Variants in FARP2 observed in about 807,000 individuals in gnomAD.
The protein encoded by FARP2 is FERM, ARHGEF and pleckstrin domain-containing protein 2.
Under a neutral mutation model 130.5 loss-of-function variants are expected in FARP2, and 111 were observed. The observed-to-expected ratio is 0.85, with a 90% CI of 0.73 to 1.00. The LOEUF is 1.00. FARP2 is among the 50% of genes least tolerant of loss of function. The pLI, the probability that FARP2 is intolerant of heterozygous loss-of-function variation, is 0.00. For synonymous variants in FARP2, 504 were observed against 516.9 expected (o/e 0.98, Z 0.34); for missense variants, 1,385 against 1,346.3 (o/e 1.03, Z -0.45).
intron 14 of FARP2, among the ~76,000 whole-genome samples, chr2:241,461,775 C>T (rs1033635453): frequency 1.3e-5 from 2 of 152,222 alleles, no homozygotes; most frequent in African/African-American, 4.8e-5. Flanking sequence ...AGAGCAGGAT[C>T]ATGGTTTCTG....
At chr2:241,468,437 C>T (rs965321450) in intron 18 of FARP2, 60 bp downstream of exon 18, 55 of 1,350,810 alleles carry the variant, frequency 4.1e-5, no homozygotes, top group Middle Eastern at 2.2e-4. Context: ...GAGGCAGGGG[C>T]GGCTTTGCCA....
At chr2:241,474,791 CTAA>C (rs932531097) in intron 18 of FARP2, among the ~76,000 whole-genome samples, 37 of 137,554 alleles carry the variant, frequency 2.7e-4, no homozygotes, top group East Asian at 2.3e-3. Flanking sequence ...GACCCTGTCT[CTAA>C]TAATAATAAT....
chr2:241,423,589 A>C (rs1452049939), intron 8 of FARP2, among the ~76,000 whole-genome samples: 1 of 152,248 alleles, frequency 6.6e-6, no homozygotes, highest in African/African-American at 2.4e-5. Context: ...CCATGATGAC[A>C]GGATGAAATT....
chr2:241,356,677 G>A (rs1206768549), intron 1 of FARP2, among the ~76,000 whole-genome samples: 3 of 152,176 alleles, frequency 2.0e-5, no homozygotes, highest in African/African-American at 7.2e-5. Context: ...GGTGCCGCGT[G>A]GAGGAGGCCG....
At chr2:241,449,113 A>G (rs1225457507) in intron 13 of FARP2, among the ~76,000 whole-genome samples, 1 of 152,204 alleles carries the variant, frequency 6.6e-6, no homozygotes, top group Admixed American at 6.5e-5. Context: ...CATCAGGTTC[A>G]CATTTACTTG....
chr2:241,442,843 A>G (rs1035030976), intron 13 of FARP2: 2 of 263,140 alleles, frequency 7.6e-6, no homozygotes, highest in East Asian at 1.0e-4. Context: ...AACTGGTGCT[A>G]TACATTCTGA....
chr2:241,474,317 C>CAAA lies in FARP2; in HGVS notation c.2132-1509_2132-1507dup, dbSNP rs56128645. 1.1e-3 allele frequency among the ~76,000 whole-genome samples: 51 copies of CAAA among 46,678 alleles called. 2 individuals are homozygous for CAAA. Among genetic ancestry groups the CAAA allele is most frequent in the African/African-American group, 1.4e-3 (16 of 11,350 alleles). 30.6% of individuals were successfully genotyped at this position (46,678 alleles called of 152,430 possible). A position where few individuals can be genotyped will look rare whatever the true frequency, so the allele number is the denominator to read the frequency against. On this transcript the variant is annotated intron_variant, in intron 18 of 26. Transcript: ENST00000264042. Reference sequence around the variant, plus strand: ...CAGAGCGCAGAGCGAGATTCCGTCTCAAAAAAAAAAAAAAAAAAAAAAAAA... The same window carrying CAAA: ...CAGAGCGCAGAGCGAGATTCCGTCTCAAAAAAAAAAAAAAAAAAAAAAAAAAAA...
intron 13 of FARP2, among the ~76,000 whole-genome samples, chr2:241,454,290 T>G (rs1048106515): frequency 6.6e-6 from 1 of 152,070 alleles, no homozygotes; most frequent in Non-Finnish European, 1.5e-5. Flanking sequence ...GGACTGTACT[T>G]CTCTGAGTGA....
intron 19 of FARP2, chr2:241,478,241 A>G (rs1300310288): frequency 1.3e-5 from 2 of 159,000 alleles, no homozygotes; most frequent in East Asian, 1.9e-4. Context: ...TCAACGTTGC[A>G]GTGAGCTATG....
At chr2:241,416,232 C>T (rs1283760425) in intron 7 of FARP2, among the ~76,000 whole-genome samples, 1 of 151,930 alleles carries the variant, frequency 6.6e-6, no homozygotes, top group Non-Finnish European at 1.5e-5. Context: ...ATGTGTGTGT[C>T]CTTACATGTG....
intron 7 of FARP2, among the ~76,000 whole-genome samples, chr2:241,415,223 C>G (rs551770988): frequency 2.0e-5 from 3 of 152,198 alleles, no homozygotes; most frequent in Non-Finnish European, 4.4e-5. Flanking sequence ...CTGCTCTATT[C>G]TCCCAGGTAC....
chr2:241,414,497 A>G (rs939361935), intron 7 of FARP2, among the ~76,000 whole-genome samples: 1 of 152,152 alleles, frequency 6.6e-6, no homozygotes, highest in Non-Finnish European at 1.5e-5. Context: ...GCCCTTTCAC[A>G]CCTTCAAAGT....
rs371984522 is a variant in FARP2, at chr2:241,484,762, TC to T, written c.2421+433del. 9.9e-3 allele frequency among the ~76,000 whole-genome samples: 1,511 copies of T among 152,332 alleles called. 26 individuals carry two copies. Among genetic ancestry groups the T allele is most frequent in the African/African-American group, 0.035 (1,445 of 41,556 alleles). On this transcript the variant is annotated intron_variant, in intron 21 of 26. Coordinates refer to ENST00000264042, the MANE Select transcript of FARP2 (RefSeq NM_014808.4). ...AGAGAAATTCCTCATTTTAGCATGA[TC>T]CAGTTCATCAACTTTGTCCTTTGTG...
intron 8 of FARP2, among the ~76,000 whole-genome samples, chr2:241,426,420 A>G (rs556460494): frequency 3.3e-5 from 5 of 152,370 alleles, no homozygotes; most frequent in Admixed American, 3.3e-4. Context: ...ATTAATATAA[A>G]TACTGAATTT....
At chr2:241,365,724 A>C (rs2061288491) in intron 1 of FARP2, among the ~76,000 whole-genome samples, 1 of 152,126 alleles carries the variant, frequency 6.6e-6, no homozygotes, top group African/African-American at 2.4e-5. Context: ...CTTTGAAGTC[A>C]CTTGAAGTAA....
chr2:241,434,220 G>A lies in FARP2; in HGVS notation c.930G>A (p.Trp310Ter). 6.2e-7 allele frequency: 1 copy of A among 1,613,936 alleles called. No individual in the cohort carries two copies. The highest frequency in any genetic ancestry group is 8.5e-7 in the Non-Finnish European group (1 of 1,179,878). ...GTAGAGATGAATGTAAGAACTTCTG[G>A]AAGATTTGTGTGGAGTATCACACCT... ...LGSRDECKNF[W>*]KICVEYHTFF... Residue 310 changes from tryptophan to a stop codon, truncating the protein, a stop_gained, in exon 10 of 27, where the codon TGG becomes TGA. Coordinates refer to ENST00000264042, the MANE Select transcript of FARP2 (RefSeq NM_014808.4). LOFTEE classifies it high-confidence loss of function.
chr2:241,394,701 G>A (rs963162765), intron 2 of FARP2, among the ~76,000 whole-genome samples: 9 of 152,120 alleles, frequency 5.9e-5, no homozygotes, highest in Admixed American at 2.0e-4. Context: ...AGTACATTAT[G>A]GAAAATATTT....
chr2:241,470,256 G>C (rs1289363076), intron 18 of FARP2, among the ~76,000 whole-genome samples: 1 of 152,260 alleles, frequency 6.6e-6, no homozygotes, highest in Non-Finnish European at 1.5e-5. Context: ...ATTTTGATGA[G>C]AGTTTCCAAG....
chr2:241,478,748 AT>A, intron 19 of FARP2: 1 of 443,222 alleles, frequency 2.3e-6, no homozygotes, highest in Non-Finnish European at 4.5e-6. Flanking sequence ...ACAGGTGCCC[AT>A]GAAGCATGTG....
Sources: allele counts gnomAD v4.1 joint callset (sites outside exome capture counted in the v4.1 genomes callset), GRCh38; gene constraint gnomAD v4.1.1; transcripts MANE v1.5; gene names NCBI Gene and HGNC (gene_info 2026-07-23, HGNC 2026-07-21).